Variants in GRM4 observed in about 807,000 individuals in gnomAD.
The protein encoded by GRM4 is glutamate metabotropic receptor 4, also known as metabotropic glutamate receptor 4.
Under a neutral mutation model 81.7 loss-of-function variants are expected in GRM4, and 28 were observed. That is an observed-to-expected ratio of 0.34 (90% CI 0.25 to 0.47). The LOEUF is 0.47. GRM4 is among the 20% of genes least tolerant of loss of function. The pLI is 1.00. For synonymous variants in GRM4, 488 were observed against 528.8 expected (o/e 0.92, Z 1.06); for missense variants, 948 against 1,290.0 (o/e 0.73, Z 4.06).
intron 2 of GRM4, among the ~76,000 whole-genome samples, chr6:34,132,659 A>G (rs1386689320): frequency 6.6e-6 from 1 of 152,002 alleles, no homozygotes; most frequent in Non-Finnish European, 1.5e-5. Flanking sequence ...TCCTCCTGGT[A>G]CAGAATTCCC....
At chr6:34,077,186 A>ACATGTCCCC (rs1767357485) in intron 3 of GRM4, among the ~76,000 whole-genome samples, 1 of 152,108 alleles carries the variant, frequency 6.6e-6, no homozygotes, top group Non-Finnish European at 1.5e-5. Flanking sequence ...CACATGTCCC[A>ACATGTCCCC]CATGTCCCCA....
upstream of GRM4, among the ~76,000 whole-genome samples, chr6:34,148,378 TCACACA>T (rs371128708): frequency 9.2e-6 from 1 of 108,342 alleles, no homozygotes; most frequent in Admixed American, 1.1e-4. Flanking sequence ...AAACACAGAC[TCACACA>T]CACACACACA....
rs372419172 is a variant in GRM4, at chr6:34,113,436, A to G, written c.519+19542T>C. Among the ~76,000 whole-genome samples the G allele has an allele frequency of 7.2e-5, 11 of 152,358 alleles. No homozygotes were observed. The East Asian group carries it at 1.5e-3, about 21-fold the overall frequency. On this transcript the variant is annotated intron_variant, in intron 2 of 10. Transcript: ENST00000538487. The stretch of plus-strand genomic sequence containing the variant: ...CAGGCCTGAGCCACCATGCCTGGCC[A>G]CGTTCTCCCATTTAAACCTAACGTC...
At position 34,035,635 on chromosome 6, in the gene GRM4, A is replaced by T; in HGVS notation, c.2442+33T>A. On this transcript the variant is annotated intron_variant, in intron 9 of 10. Coordinates refer to ENST00000538487, the MANE Select transcript of GRM4 (RefSeq NM_000841.4). The surrounding 1 kb of genome is among the most constrained non-coding windows in gnomAD (Gnocchi z 6.6). ...TGCCCCTTGCTCACTGCCCTCACCT[A>T]CCCACCGTCCACCCCCGGCCCCCAC... 4 of 1,220,368 alleles carry T rather than the reference A, an allele frequency of 3.3e-6. No homozygotes were observed. The highest frequency in any genetic ancestry group is 4.7e-6 in the Non-Finnish European group (4 of 856,586). 75.6% of individuals were successfully genotyped at this position (1,220,368 alleles called of 1,614,324 possible). A position where few individuals can be genotyped will look rare whatever the true frequency, so the allele number is the denominator to read the frequency against.
At chr6:34,145,418 G>A (rs1316069978) in intron 1 of GRM4, among the ~76,000 whole-genome samples, 1 of 152,216 alleles carries the variant, frequency 6.6e-6, no homozygotes, top group Non-Finnish European at 1.5e-5. Flanking sequence ...GGAAGGAGCG[G>A]GAGAGGCGGC....
At chr6:34,063,900 C>T (rs1380096525) in intron 3 of GRM4, among the ~76,000 whole-genome samples, 1 of 152,186 alleles carries the variant, frequency 6.6e-6, no homozygotes, top group Non-Finnish European at 1.5e-5. Context: ...GAAGGATGAG[C>T]CACCTGGCTC....
chr6:34,088,065 C>T (rs988121144), intron 3 of GRM4, among the ~76,000 whole-genome samples: 2 of 152,102 alleles, frequency 1.3e-5, no homozygotes, highest in African/African-American at 4.8e-5. Flanking sequence ...GCAGCCAGAC[C>T]CTGACAAACC....
intron 2 of GRM4, among the ~76,000 whole-genome samples, chr6:34,120,133 T>C (rs894555333): frequency 6.6e-6 from 1 of 152,128 alleles, no homozygotes; most frequent in Non-Finnish European, 1.5e-5. Flanking sequence ...ATCTGTGGGG[T>C]TGAAGGGTAA....
intron 2 of GRM4, among the ~76,000 whole-genome samples, chr6:34,093,770 C>T (rs1009325796): frequency 1.3e-5 from 2 of 152,200 alleles, no homozygotes; most frequent in African/African-American, 4.8e-5. Flanking sequence ...AGCTCGGCCA[C>T]CCAGCTGGCC....
chr6:34,116,750 G>A (rs369290216), intron 2 of GRM4, among the ~76,000 whole-genome samples: 39 of 152,282 alleles, frequency 2.6e-4, no homozygotes, highest in Admixed American at 4.6e-4. Context: ...GCCAAACACT[G>A]GATTCAGCCC....
At chr6:34,122,455 G>A (rs1769850043) in intron 2 of GRM4, among the ~76,000 whole-genome samples, 1 of 152,094 alleles carries the variant, frequency 6.6e-6, no homozygotes, top group Admixed American at 6.5e-5. Flanking sequence ...TCTCCTCACT[G>A]CCCCCAGCCC....
chr6:34,066,864 G>T (rs116109962), intron 3 of GRM4, among the ~76,000 whole-genome samples: 1 of 152,112 alleles, frequency 6.6e-6, no homozygotes, highest in African/African-American at 2.4e-5. Flanking sequence ...CGGTCCTCAC[G>T]TGGTGCCGCC....
chr6:34,049,837 C>T (rs1001676751), intron 6 of GRM4, among the ~76,000 whole-genome samples: 3 of 152,132 alleles, frequency 2.0e-5, no homozygotes, highest in Non-Finnish European at 2.9e-5. Context: ...GACCACCACC[C>T]GCCCCAGGCC....
Position 34,087,981 on chromosome 6 carries a change from C to T in GRM4, c.736+3902G>A, listed in dbSNP as rs1233770943. Among the ~76,000 whole-genome samples the T allele has an allele frequency of 3.9e-5, 6 of 152,210 alleles. No individual in the cohort carries two copies. In the East Asian group the frequency reaches 7.7e-4, roughly 20 times the overall value. ...CTGGACACACCTGTATCTCCATTTA[C>T]GGCACAGCACGGGGCCCAGCACTTC... On this transcript the variant is annotated intron_variant, in intron 3 of 10. Transcript: ENST00000538487.
At chr6:34,102,537 CCTT>C (rs1768897904) in intron 2 of GRM4, among the ~76,000 whole-genome samples, 2 of 152,326 alleles carry the variant, frequency 1.3e-5, no homozygotes, top group South Asian at 2.1e-4. Context: ...TCAAATGTCT[CCTT>C]CTCAGGCAGG....
At chr6:34,040,401 C>A in intron 7 of GRM4, 87 bp from the exon 8 acceptor site, 1 of 1,479,306 alleles carries the variant, frequency 6.8e-7, no homozygotes, top group South Asian at 1.2e-5. Flanking sequence ...CTCTGACACA[C>A]CCATTCATGG....
Position 34,040,591 on chromosome 6 carries a change from A to T in GRM4, c.1326T>A (p.Asp442Glu), listed in dbSNP as rs1391349245. Residue 442 changes from aspartate to glutamate, a missense_variant, in exon 7 of 11, where the codon GAT (aspartate) becomes GAA (glutamate). By Grantham distance (45) the Asp-to-Glu change is conservative. Transcript: ENST00000538487. ...GGATGTACTTAAGCAGCTGGGTGCC[A>T]TCTACAGGGTCCATGCGCGGGCAGA... is the stretch of plus-strand genomic sequence containing the variant. ...VGLCPRMDPVDGTQLLKYIRN... is the reference protein window; with the variant it reads ...VGLCPRMDPVEGTQLLKYIRN... The T allele has an allele frequency of 6.2e-7, 1 of 1,613,964 alleles. No homozygotes were observed. The highest frequency in any genetic ancestry group is 8.5e-7 in the Non-Finnish European group (1 of 1,179,974).
At position 34,048,873 on chromosome 6, in the gene GRM4, C is replaced by T. The variant is rs949939281; in HGVS notation, c.1168+7671G>A. Among the ~76,000 whole-genome samples the T allele has an allele frequency of 2.0e-5, 3 of 152,086 alleles. No homozygotes were observed. Among genetic ancestry groups the T allele is most frequent in the South Asian group, 2.1e-4 (1 of 4,816 alleles). ...TGTAAGTTTCCTGAGGCCTCCCAGTCGCGCTTCCTGTACAGCCTGCAGAAC... is the reference window on the plus strand; with the variant it reads ...TGTAAGTTTCCTGAGGCCTCCCAGTTGCGCTTCCTGTACAGCCTGCAGAAC... On this transcript the variant is annotated intron_variant, in intron 6 of 10. Coordinates refer to ENST00000538487, the MANE Select transcript of GRM4 (RefSeq NM_000841.4). This position sits in a 1 kb window ranked among gnomAD's most constrained non-coding sequence, Gnocchi z 4.0.
intron 1 of GRM4, among the ~76,000 whole-genome samples, chr6:34,143,860 C>A (rs1770805791): frequency 2.6e-5 from 4 of 152,222 alleles, no homozygotes; most frequent in Non-Finnish European, 2.9e-5. Context: ...CCCCCACTCA[C>A]CCCAGAACGG....
Sources: gnomAD v4.1 joint callset for allele counts (sites outside exome capture counted in the v4.1 genomes callset) on GRCh38, gnomAD v4.1.1 for gene constraint, Gnocchi (gnomAD v3.1) non-coding constraint, MANE v1.5 for transcripts, NCBI Gene and HGNC (gene_info 2026-07-23, HGNC 2026-07-21) for gene names.